FARP1: variants seen among roughly 807,000 people sequenced by gnomAD.
FARP1 encodes FERM, ARHGEF and pleckstrin domain-containing protein 1.
Under a neutral mutation model 128.8 loss-of-function variants are expected in FARP1, and 52 were observed. The ratio of observed to expected loss-of-function variants is 0.40; its 90% CI spans 0.32 to 0.51. FARP1 has a LOEUF of 0.51. Among genes scored for constraint, FARP1 ranks in the 20% least tolerant of loss-of-function variants. FARP1 has a pLI of 0.45. For missense variants in FARP1, 1,333 were observed against 1,367.9 expected, an observed-to-expected ratio of 0.97 and a Z score of 0.40; for synonymous variants, 580 against 551.8, an observed-to-expected ratio of 1.05 and a Z score of -0.72.
At chr13:98,269,920 G>A (rs747429063) in intron 2 of FARP1, among the ~76,000 whole-genome samples, 9 of 152,010 alleles carry the variant, frequency 5.9e-5, no homozygotes, top group South Asian at 2.1e-4. Flanking sequence ...AGTTTGAGAC[G>A]GGCCTGAGCA....
intron 2 of FARP1, among the ~76,000 whole-genome samples, chr13:98,265,311 ATTTTTTTTTTT>A (rs60809416): frequency 1.7e-5 from 1 of 60,252 alleles, no homozygotes; most frequent in Non-Finnish European, 2.7e-5. Context: ...TCCTTCCTGA[ATTTTTTTTTTT>A]TTTTTTTTTT....
chr13:98,294,938 T>A lies in FARP1; in HGVS notation c.172-48824T>A, dbSNP rs142532976. On this transcript the variant is annotated intron_variant, in intron 2 of 26. Coordinates refer to ENST00000319562, the MANE Select transcript of FARP1 (RefSeq NM_005766.4). Reference sequence around the variant, plus strand: ...AAGCTGAGGCAGGATAATCGCTTGATCCCGAGAGGCAGAGGTTGCAGTGAG... The same window carrying A: ...AAGCTGAGGCAGGATAATCGCTTGAACCCGAGAGGCAGAGGTTGCAGTGAG... Among the ~76,000 whole-genome samples the A allele has an allele frequency of 1.2e-3, 179 of 151,200 alleles. 5 individuals are homozygous for A. The East Asian group carries it at 0.029, about 25-fold the overall frequency.
At chr13:98,211,453 G>A (rs964047948) in intron 1 of FARP1, among the ~76,000 whole-genome samples, 1 of 151,564 alleles carries the variant, frequency 6.6e-6, no homozygotes, top group African/African-American at 2.4e-5. Flanking sequence ...CTTTGTCTGT[G>A]GAAAAACTGT....
rs1192939558 is a variant in FARP1, at chr13:98,152,545, G to A, written c.-24+9053G>A. The stretch of plus-strand genomic sequence containing the variant: ...CCAGAGTCCATAAATGCATCATTGA[G>A]TCATTTAGATCTTGCGCACCTGGAG... On this transcript the variant is annotated intron_variant, in intron 1 of 26. Coordinates refer to ENST00000319562, the MANE Select transcript of FARP1 (RefSeq NM_005766.4). Among the ~76,000 whole-genome samples the A allele has an allele frequency of 2.0e-5, 3 of 152,176 alleles. No individual in the cohort carries two copies. The South Asian group carries it at 6.2e-4, about 31-fold the overall frequency.
rs562296546 is a variant in FARP1 at position 98,226,042 on chromosome 13, T to C, written c.171+12629T>C. Among the ~76,000 whole-genome samples the C allele has an allele frequency of 1.6e-4, 25 of 152,324 alleles. No individual in the cohort carries two copies. In the South Asian group the frequency reaches 4.4e-3, roughly 27 times the overall value. ...CTAATCCATTCCTTAATGACTTAAG[T>C]TGACATTTGTTGAATTATGGAGTAC... On this transcript the variant is annotated intron_variant, in intron 2 of 26. Transcript: ENST00000319562.
intron 2 of FARP1, among the ~76,000 whole-genome samples, chr13:98,252,310 A>C (rs1260732187): frequency 1.3e-5 from 2 of 152,248 alleles, no homozygotes; most frequent in African/African-American, 4.8e-5. Flanking sequence ...TAAGACTAAA[A>C]GAATATCAGT....
At chr13:98,417,755 A>G (rs574015470) in intron 16 of FARP1, among the ~76,000 whole-genome samples, 2 of 152,336 alleles carry the variant, frequency 1.3e-5, no homozygotes, top group South Asian at 2.1e-4. Flanking sequence ...CCGTGATGCT[A>G]GGTGGCTGAA....
At chr13:98,301,339 GTGAAGAGGTGGAGAAGT>G (rs1452035980) in intron 2 of FARP1, among the ~76,000 whole-genome samples, 2 of 142,362 alleles carry the variant, frequency 1.4e-5, no homozygotes, top group Non-Finnish European at 2.9e-5. Context: ...AGTTCTGTAG[GTGAAGAGGTGGAGAAGT>G]CAGACAGGTC....
At chr13:98,358,541 T>C (rs1007565926) in intron 3 of FARP1, among the ~76,000 whole-genome samples, 4 of 152,232 alleles carry the variant, frequency 2.6e-5, no homozygotes, top group African/African-American at 9.6e-5. Flanking sequence ...ACATATCTTT[T>C]AAATATAACC....
At chr13:98,269,997 T>C (rs928139346) in intron 2 of FARP1, among the ~76,000 whole-genome samples, 19 of 152,120 alleles carry the variant, frequency 1.2e-4, no homozygotes, top group Middle Eastern at 6.3e-3. Flanking sequence ...CCCAACTACT[T>C]GGGAGGCTGA....
At chr13:98,406,644 C>T (rs1380876376) in intron 13 of FARP1, 6 of 152,252 alleles carry the variant, frequency 3.9e-5, no homozygotes, top group African/African-American at 1.4e-4. Context: ...CCCCAGCAGC[C>T]TGTGGGCTAA....
intron 2 of FARP1, among the ~76,000 whole-genome samples, chr13:98,219,385 T>G (rs1455853791): frequency 6.6e-6 from 1 of 152,116 alleles, no homozygotes; most frequent in Non-Finnish European, 1.5e-5. Flanking sequence ...GACAAGATCT[T>G]GCTCTGTCAC....
chr13:98,246,918 T>G (rs776033015), intron 2 of FARP1, among the ~76,000 whole-genome samples: 2 of 152,214 alleles, frequency 1.3e-5, no homozygotes, highest in African/African-American at 4.8e-5. Context: ...CTGGAACTCC[T>G]GTGTTTAAGA....
chr13:98,188,350 G>GAGAC (rs1205429511), intron 1 of FARP1, among the ~76,000 whole-genome samples: 3 of 152,040 alleles, frequency 2.0e-5, no homozygotes, highest in Non-Finnish European at 2.9e-5. Context: ...TCAGGAGTTC[G>GAGAC]AGACCAGCCT....
chr13:98,244,837 T>G (rs1882975011), intron 2 of FARP1: 1 of 1,475,930 alleles, frequency 6.8e-7, no homozygotes, highest in East Asian at 2.5e-5. Context: ...TGGGTAGGAG[T>G]AGATACAGAT....
intron 10 of FARP1, chr13:98,390,570 G>T (rs1890268033): frequency 6.1e-6 from 3 of 493,954 alleles, no homozygotes; most frequent in Non-Finnish European, 1.1e-5. Flanking sequence ...ACCAAACACA[G>T]TTATCAAGTG....
rs773957578 is a variant in FARP1 at position 98,377,882 on chromosome 13, A to G, written c.460A>G (p.Thr154Ala). 6.2e-7 allele frequency: 1 copy of G among 1,613,810 alleles called. No homozygotes were observed. The highest frequency in any genetic ancestry group is 1.7e-5 in the Admixed American group (1 of 60,014). Residue 154 changes from threonine to alanine, a missense_variant, in exon 6 of 27, where the codon ACC becomes GCC. Physicochemically the swap from Thr to Ala is moderately conservative, Grantham distance 58. Transcript: ENST00000319562. ...TCAAGGCAGGTTGACGTGTAATGAC[A>G]CCAGCGCAGCTCTCTTGATTTCACA... Reference protein sequence around the residue: ...LAQGRLTCNDTSAALLISHIV... With the variant: ...LAQGRLTCNDASAALLISHIV...
intron 2 of FARP1, among the ~76,000 whole-genome samples, chr13:98,253,037 A>G (rs1053440213): frequency 3.3e-5 from 5 of 152,220 alleles, no homozygotes; most frequent in Non-Finnish European, 7.3e-5. Flanking sequence ...AAGGTTGGAG[A>G]GAACCTTGGT....
chr13:98,431,204 C>T lies in FARP1; in HGVS notation c.2067C>T (p.Leu689=), dbSNP rs754628892. The T allele has an allele frequency of 4.3e-6, 7 of 1,610,126 alleles. No homozygotes were observed. Among genetic ancestry groups the T allele is most frequent in the East Asian group, 2.2e-5 (1 of 44,620 alleles). Residue 689 remains leucine (L), a synonymous_variant, in exon 18 of 27, where the codon CTC becomes CTT. Coordinates refer to ENST00000319562, the MANE Select transcript of FARP1 (RefSeq NM_005766.4). ...TCCTCCTGCGGCCACTGCACCGGCT[C>T]ATGCACTACAAGCAGGTCCTGGAGC... The part of the protein sequence containing the change: ...NTFLLRPLHR[L]MHYKQVLERL...
Sources: gnomAD v4.1 joint callset for allele counts (sites outside exome capture counted in the v4.1 genomes callset) on GRCh38, gnomAD v4.1.1 for gene constraint, MANE v1.5 for transcripts, NCBI Gene and HGNC (gene_info 2026-07-23, HGNC 2026-07-21) for gene names.